Variants in SLC12A3 observed in about 807,000 individuals in gnomAD.
SLC12A3 encodes the protein Na-Cl cotransporter.
A neutral mutation model predicts 121.0 loss-of-function variants in SLC12A3; 104 were observed. That is an observed-to-expected ratio of 0.86 (90% confidence interval 0.73 to 1.01). The LOEUF (loss-of-function observed/expected upper bound fraction) is 1.01. SLC12A3 is among the 50% of genes least tolerant of loss of function. The pLI is 0.00. For synonymous variants in SLC12A3, 536 were observed against 533.4 expected (o/e 1.00, Z -0.07); for missense variants, 1,328 against 1,356.3 (o/e 0.98, Z 0.33).
chr16:56,884,445 C>T (rs943774365), intron 14 of SLC12A3, among the ~76,000 whole-genome samples: 16 of 152,192 alleles, frequency 1.1e-4, no homozygotes, highest in African/African-American at 2.4e-4. Context: ...ATCCCCTGTC[C>T]GAAGGACCCT....
At chr16:56,877,996 C>G (rs1008978156) in intron 8 of SLC12A3, 81 bp from the exon 9 acceptor site, 3 of 829,308 alleles carry the variant, frequency 3.6e-6, no homozygotes, top group Non-Finnish European at 5.7e-6. Flanking sequence ...TGGAAGGAGG[C>G]CCAGGGGCTG....
intron 13 of SLC12A3, 57 bp downstream of exon 13, chr16:56,882,554 G>T: frequency 1.5e-6 from 2 of 1,368,176 alleles, no homozygotes; most frequent in Non-Finnish European, 2.1e-6. Context: ...GGAGGAACTG[G>T]GGCATGGGGT....
rs1486061680 is a variant in SLC12A3, at chr16:56,894,650, T to C, written c.2633+8T>C. ...GGACCAGGAGAGAAAGGCGTAAGTGTGGAGGGCTGGCCTGGGGGTGACTGC... is the reference window on the plus strand; with the variant it reads ...GGACCAGGAGAGAAAGGCGTAAGTGCGGAGGGCTGGCCTGGGGGTGACTGC... On this transcript the variant is annotated splice_region_variant and intron_variant, in intron 22 of 25. Coordinates refer to ENST00000563236, the MANE Select transcript of SLC12A3 (RefSeq NM_001126108.2). 6.8e-6 allele frequency: 11 copies of C among 1,607,086 alleles called. No homozygotes were observed. The highest frequency in any genetic ancestry group is 9.4e-6 in the Non-Finnish European group (11 of 1,173,826).
chr16:56,885,196 C>T (rs1248929519), intron 14 of SLC12A3, 69 bp from the exon 15 acceptor site: 6 of 979,626 alleles, frequency 6.1e-6, no homozygotes, highest in African/African-American at 1.6e-5. Context: ...CTCTGTCCCT[C>T]CACGTGTCTG....
chr16:56,900,177 T>C (rs1041735086), intron 23 of SLC12A3, among the ~76,000 whole-genome samples: 8 of 152,020 alleles, frequency 5.3e-5, no homozygotes, highest in Non-Finnish European at 1.2e-4. Context: ...ATGTCCCCCA[T>C]CTGGACAGGG....
At chr16:56,906,081 C>G (rs1368348629) in intron 25 of SLC12A3, among the ~76,000 whole-genome samples, 1 of 152,132 alleles carries the variant, frequency 6.6e-6, no homozygotes, top group African/African-American at 2.4e-5. Context: ...GACTTGTCAC[C>G]ATCTGACCTA....
At chr16:56,873,390 T>C (rs1433200474) in intron 8 of SLC12A3, among the ~76,000 whole-genome samples, 4 of 135,192 alleles carry the variant, frequency 3.0e-5, no homozygotes, top group African/African-American at 5.8e-5. Flanking sequence ...TTTTTTTTTT[T>C]TTTTTTTTTT....
chr16:56,912,395 G>T (rs755940625), intron 25 of SLC12A3, among the ~76,000 whole-genome samples: 24 of 152,254 alleles, frequency 1.6e-4, no homozygotes, highest in Non-Finnish European at 3.4e-4. Flanking sequence ...GCATTGCACA[G>T]TTAAGACAAG....
chr16:56,890,433 G>A, intron 19 of SLC12A3, 77 bp downstream of exon 19: 1 of 1,193,580 alleles, frequency 8.4e-7, no homozygotes, highest in African/African-American at 1.5e-5. Context: ...GGAAAAATGA[G>A]TAAGAAATAA....
In SLC12A3 at chr16:56,879,630, C is replaced by G. The variant is rs373017321; in HGVS notation, c.1424C>G (p.Ser475Cys). 15 of 1,613,342 alleles carry G rather than the reference C, an allele frequency of 9.3e-6. No homozygotes were observed. The highest frequency in any genetic ancestry group is 1.3e-5 in the Non-Finnish European group (15 of 1,179,860). ...TLSSALACLV[S>C]AAKVFQCLCE... is the part of the protein sequence containing the mutation. ...TCCTCTGCCCTGGCCTGCCTTGTCT[C>G]TGCTGCCAAAGTCTTCCAGGTGAGG... Residue 475 changes from serine to cysteine, a missense_variant, in exon 11 of 26, where the codon TCT becomes TGT. Physicochemically the swap from Ser to Cys is moderately radical, Grantham distance 112. Transcript: ENST00000563236.
intron 3 of SLC12A3, among the ~76,000 whole-genome samples, chr16:56,869,144 T>G (rs1385415599): frequency 1.3e-5 from 2 of 152,212 alleles, no homozygotes; most frequent in Non-Finnish European, 2.9e-5. Flanking sequence ...GGAACCGTTG[T>G]GGCTTTTACA....
rs1172228647 is a variant in SLC12A3 at position 56,892,986 on chromosome 16, C to T, written c.2453C>T (p.Ala818Val). The change falls in exon 21 of 26, where the codon GCC becomes GTC. Residue 818 changes from alanine to valine, a missense_variant. Ala to Val is a moderately conservative substitution (Grantham distance 64, BLOSUM62 0). Transcript: ENST00000563236. Reference protein sequence around the residue: ...DPKALVKEEQATTIFQSEQGK... With the variant: ...DPKALVKEEQVTTIFQSEQGK... The stretch of plus-strand genomic sequence containing the variant: ...AAGGCCCTGGTGAAGGAGGAGCAGG[C>T]CACCACCATCTTCCAGTCGGAGCAG... 6 of 1,614,222 alleles carry T rather than the reference C, an allele frequency of 3.7e-6. No individual in the cohort carries two copies. Among genetic ancestry groups the T allele is most frequent in the Non-Finnish European group, 5.1e-6 (6 of 1,180,016 alleles).
At chr16:56,889,516 G>T (rs145371129) in intron 18 of SLC12A3, among the ~76,000 whole-genome samples, 3 of 151,906 alleles carry the variant, frequency 2.0e-5, no homozygotes, top group African/African-American at 4.8e-5. Context: ...TTGTTCTGTC[G>T]CCCCGGCTGG....
intron 6 of SLC12A3, 77 bp from the exon 7 acceptor site, chr16:56,872,274 C>T: frequency 1.0e-6 from 1 of 981,848 alleles, no homozygotes; most frequent in Admixed American, 1.8e-5. Context: ...GGGCCCTGGG[C>T]AAATCATTTT....
At chr16:56,886,845 G>A (rs1371017554) in intron 16 of SLC12A3, 108 bp from the exon 17 acceptor site, 19 of 1,468,590 alleles carry the variant, frequency 1.3e-5, no homozygotes, top group Middle Eastern at 4.2e-4. Flanking sequence ...AAAGGGCACC[G>A]TGGGTGCTGC....
At chr16:56,902,659 A>C in intron 24 of SLC12A3, 151 bp downstream of exon 24, 8 of 946,186 alleles carry the variant, frequency 8.5e-6, no homozygotes, top group Non-Finnish European at 1.3e-5. Flanking sequence ...ACAGTCGTTC[A>C]GGCTGATGGG....
intron 24 of SLC12A3, 38 bp from the exon 25 acceptor site, chr16:56,904,357 T>C: frequency 6.3e-7 from 1 of 1,594,554 alleles, no homozygotes; most frequent in East Asian, 2.2e-5. Context: ...GTGACCTCGA[T>C]GATATGGGAA....
rs1203445578 is a variant in SLC12A3, at chr16:56,886,388, G to A, written c.1950G>A (p.Gly650=). Residue 650 remains glycine, a synonymous_variant, in exon 16 of 26, where the codon GGG becomes GGA. Coordinates refer to ENST00000563236, the MANE Select transcript of SLC12A3 (RefSeq NM_001126108.2). ...NYRPQCLVLT[G]PPNFRPALVD... ...GCCCCCAGTGCCTGGTGCTCACGGG[G>A]CCCCCCAACTTCCGCCCGGCCCTGG... The A allele has an allele frequency of 1.9e-6, 3 of 1,613,846 alleles. No individual in the cohort carries two copies. The highest frequency in any genetic ancestry group is 2.2e-5 in the East Asian group (1 of 44,876).
intron 11 of SLC12A3, 81 bp from the exon 12 acceptor site, chr16:56,880,049 G>C: frequency 1.3e-6 from 2 of 1,563,986 alleles, no homozygotes; most frequent in Non-Finnish European, 8.7e-7. Flanking sequence ...GCACCGAGCC[G>C]GGGCTGGAGC....
Sources: allele counts gnomAD v4.1 joint callset (sites outside exome capture counted in the v4.1 genomes callset), GRCh38; gene constraint gnomAD v4.1.1; transcripts MANE v1.5; gene names NCBI Gene and HGNC (gene_info 2026-07-23, HGNC 2026-07-21).